Variants in CUL4A observed in about 807,000 individuals in gnomAD.
CUL4A encodes cullin 4A.
In CUL4A, 16 loss-of-function variants were observed where a neutral mutation model predicts 95.5. That is an observed-to-expected ratio of 0.17 (90% confidence interval 0.11 to 0.25). The LOEUF is 0.25. Ranked by LOEUF, CUL4A falls within the 10% of genes least tolerant of loss-of-function variation. CUL4A has a pLI of 1.00. For missense variants in CUL4A, 610 were observed against 937.0 expected (o/e 0.65, Z 4.56); for synonymous variants, 380 against 353.1 (o/e 1.08, Z -0.85).
chr13:113,233,436 A>T (rs1402116676), intron 6 of CUL4A, 97 bp downstream of exon 6: 14 of 1,219,656 alleles, frequency 1.1e-5, no homozygotes, highest in Non-Finnish European at 1.6e-5. Context: ...TGAAATCATA[A>T]AGGCATTTGT....
At chr13:113,224,714 A>C (rs1014587298) in intron 3 of CUL4A, among the ~76,000 whole-genome samples, 1 of 152,266 alleles carries the variant, frequency 6.6e-6, no homozygotes. Flanking sequence ...AGCTCTGCAC[A>C]TTCATGAATT....
Position 113,233,295 on chromosome 13 carries a change from C to G in CUL4A, c.631C>G (p.Arg211Gly). The G allele has an allele frequency of 1.2e-6, 2 of 1,613,606 alleles. No individual in the cohort carries two copies. The highest frequency in any genetic ancestry group is 1.7e-6 in the Non-Finnish European group (2 of 1,179,938). The change falls in exon 6 of 20, where the codon CGG becomes GGG. Residue 211 changes from arginine to glycine, a missense_variant. This residue lies in a region of CUL4A where 97 missense variants were observed against 100.3 expected (regional missense o/e 0.97). Transcript: ENST00000375440. ...ERERSGEAVD[R>G]SLLRSLLGML... Reference sequence around the variant, plus strand: ...CGAGAGGAGCGGCGAGGCCGTGGACCGGAGCCTGTTGCGGAGCCTCCTGGG... The same window carrying G: ...CGAGAGGAGCGGCGAGGCCGTGGACGGGAGCCTGTTGCGGAGCCTCCTGGG...
chr13:113,255,392 AG>A (rs2042095089), intron 18 of CUL4A, among the ~76,000 whole-genome samples: 1 of 152,176 alleles, frequency 6.6e-6, no homozygotes, highest in Admixed American at 6.5e-5. Flanking sequence ...CCATGGTCAT[AG>A]GGTTTCGAAA....
chr13:113,245,107 C>T (rs2041822761), intron 13 of CUL4A, 45 bp from the exon 14 acceptor site: 1 of 1,609,232 alleles, frequency 6.2e-7, no homozygotes, highest in Non-Finnish European at 8.5e-7. Context: ...AGGGTTGCTG[C>T]CCCGTGTGTT....
intron 3 of CUL4A, among the ~76,000 whole-genome samples, chr13:113,223,841 G>A (rs1004787275): frequency 3.3e-5 from 5 of 152,174 alleles, no homozygotes; most frequent in African/African-American, 7.2e-5. Context: ...TACCACATCC[G>A]TTTTCTTGTC....
chr13:113,219,028 A>ACAGATCCT lies in CUL4A; in HGVS notation c.349_356dup (p.Pro120ArgfsTer10). The ACAGATCCT allele has an allele frequency of 6.2e-7, 1 of 1,609,958 alleles. No homozygotes were observed. Among genetic ancestry groups the ACAGATCCT allele is most frequent in the Non-Finnish European group, 8.5e-7 (1 of 1,178,214 alleles). ...AGGCCTGTGAAGACCACGTCCAGGC[A>ACAGATCCT]CAGATCCTTCCGTTTAGAGAATATC... On this transcript the variant is annotated frameshift_variant, in exon 3 of 20. Transcript: ENST00000375440. LOFTEE classifies it high-confidence loss of function.
Position 113,210,075 on chromosome 13 carries a change from A to G in CUL4A, c.251A>G (p.Glu84Gly). Residue 84 changes from glutamate (E) to glycine (G), a missense_variant, in exon 2 of 20, where the codon GAG becomes GGG. Physicochemically the swap from Glu to Gly is moderately conservative, Grantham distance 98. Coordinates refer to ENST00000375440, the MANE Select transcript of CUL4A (RefSeq NM_001008895.4). ...AGCACCTCCATCAGGTACAACCTCG[A>G]GGAGCTCTACCAGGTGAGGCGGCGG... ...QSSTSIRYNL[E>G]ELYQAVENLC... is the part of the protein sequence containing the mutation. The G allele has an allele frequency of 6.6e-7, 1 of 1,511,986 alleles. No homozygotes were observed. The highest frequency in any genetic ancestry group is 8.8e-7 in the Non-Finnish European group (1 of 1,130,888). The allele number at this position is 1,511,986 out of a possible 1,614,324, so 93.7% of individuals were successfully genotyped here.
intron 19 of CUL4A, among the ~76,000 whole-genome samples, chr13:113,261,556 A>G (rs1423314946): frequency 6.6e-6 from 1 of 152,176 alleles, no homozygotes; most frequent in East Asian, 1.9e-4. Flanking sequence ...GGAAGCTCCA[A>G]AAGCACCATC....
chr13:113,222,492 A>G (rs2040936894), intron 3 of CUL4A, among the ~76,000 whole-genome samples: 1 of 151,676 alleles, frequency 6.6e-6, no homozygotes, highest in African/African-American at 2.4e-5. Flanking sequence ...AGGAGGAGAC[A>G]CGGATTGAGG....
chr13:113,210,152 G>A (rs927291851), intron 2 of CUL4A, 64 bp downstream of exon 2: 11 of 1,153,374 alleles, frequency 9.5e-6, no homozygotes, highest in African/African-American at 4.9e-5. Flanking sequence ...GCGGCCGGGC[G>A]GCCGCTCCGG....
intron 3 of CUL4A, among the ~76,000 whole-genome samples, chr13:113,225,088 A>G (rs1441888889): frequency 6.6e-6 from 1 of 151,958 alleles, no homozygotes; most frequent in East Asian, 1.9e-4. Flanking sequence ...CTATGGTGTA[A>G]GCATTTCTGC....
Position 113,242,740 on chromosome 13 carries a change from T to C in CUL4A, c.1036-228T>C, listed in dbSNP as rs570186465. On this transcript the variant is annotated intron_variant, in intron 10 of 19. Coordinates refer to ENST00000375440, the MANE Select transcript of CUL4A (RefSeq NM_001008895.4). ...GGTTGAGGCTGCAGTGAACCGTGAT[T>C]GCACCACCGCACTCCAGCCTCGGCC... is the stretch of plus-strand genomic sequence containing the variant. Among the ~76,000 whole-genome samples the C allele has an allele frequency of 6.6e-5, 10 of 152,218 alleles. No individual in the cohort carries two copies. The East Asian group carries it at 1.7e-3, about 27-fold the overall frequency.
chr13:113,228,016 A>G lies in CUL4A; in HGVS notation c.409A>G (p.Thr137Ala). The G allele has an allele frequency of 6.2e-7, 1 of 1,613,802 alleles. No individual in the cohort carries two copies. The highest frequency in any genetic ancestry group is 8.5e-7 in the Non-Finnish European group (1 of 1,179,658). ...TGTTTTATTTTTAAAGAAGATTAACACGTGCTGGCAGGACCACTGCAGACA... is the reference window on the plus strand; with the variant it reads ...TGTTTTATTTTTAAAGAAGATTAACGCGTGCTGGCAGGACCACTGCAGACA... ...DSVLFLKKIN[T>A]CWQDHCRQMI... The change falls in exon 4 of 20, where the codon ACG (threonine) becomes GCG (alanine). Residue 137 changes from threonine to alanine, a missense_variant. Coordinates refer to ENST00000375440, the MANE Select transcript of CUL4A (RefSeq NM_001008895.4).
intron 2 of CUL4A, 69 bp from the exon 3 acceptor site, chr13:113,218,876 C>A: frequency 1.9e-6 from 2 of 1,077,818 alleles, no homozygotes; most frequent in South Asian, 1.4e-5. Context: ...GCTATGTTAA[C>A]AATAGGGTTT....
chr13:113,247,472 C>T (rs2041887065), intron 15 of CUL4A, among the ~76,000 whole-genome samples: 1 of 152,148 alleles, frequency 6.6e-6, no homozygotes, highest in African/African-American at 2.4e-5. Context: ...GTTCAGAGAA[C>T]TTCTTAATAT....
upstream of CUL4A, among the ~76,000 whole-genome samples, chr13:113,209,174 G>T (rs186383649): frequency 8.8e-5 from 13 of 148,266 alleles, no homozygotes; most frequent in African/African-American, 3.2e-4. Flanking sequence ...CTCACGCCCG[G>T]GGTGGGGGTG....
intron 3 of CUL4A, among the ~76,000 whole-genome samples, chr13:113,223,266 T>A (rs1595364517): frequency 6.6e-6 from 1 of 152,190 alleles, no homozygotes; most frequent in East Asian, 1.9e-4. Context: ...GAAATGTTAA[T>A]GTGATGGCAG....
At chr13:113,252,420 G>A (rs545895097) in intron 15 of CUL4A, among the ~76,000 whole-genome samples, 1 of 152,196 alleles carries the variant, frequency 6.6e-6, no homozygotes, top group Admixed American at 6.5e-5. Context: ...TGTACCTGTA[G>A]TCCCAGCTGC....
chr13:113,209,073 C>G (rs1385849497), upstream of CUL4A: 1 of 212,184 alleles, frequency 4.7e-6, no homozygotes, highest in Non-Finnish European at 8.0e-6. Context: ...CGCGCGCTCC[C>G]GAGCTCTCAT....
Sources: gnomAD v4.1 joint callset for allele counts (sites outside exome capture counted in the v4.1 genomes callset) on GRCh38, gnomAD v4.1.1 for gene constraint, gnomAD v4.1.1 regional missense constraint, MANE v1.5 for transcripts, NCBI Gene and HGNC (gene_info 2026-07-23, HGNC 2026-07-21) for gene names.